Variants in MEP1A observed in about 807,000 individuals in gnomAD.
MEP1A encodes the protein meprin A subunit alpha, also known as N-benzoyl-L-tyrosyl-P-amino-benzoic acid hydrolase subunit alpha.
A neutral mutation model predicts 84.5 loss-of-function variants in MEP1A; 68 were observed. The ratio of observed to expected loss-of-function variants is 0.80; its 90% CI spans 0.66 to 0.98. MEP1A has a LOEUF of 0.98. MEP1A is among the 50% of genes least tolerant of loss of function. The pLI, the probability that MEP1A is intolerant of heterozygous loss-of-function variation, is 0.00. For synonymous variants in MEP1A, 337 were observed against 336.8 expected (o/e 1.00, Z -0.01); for missense variants, 887 against 919.9 (o/e 0.96, Z 0.46).
intron 6 of MEP1A, among the ~76,000 whole-genome samples, chr6:46,818,725 T>A (rs534168338): frequency 1.7e-3 from 263 of 152,326 alleles, no homozygotes; most frequent in African/African-American, 5.9e-3. Context: ...ACACTGTAGA[T>A]CTGCTATTTC....
In MEP1A at chr6:46,833,424, T is replaced by A. The variant is rs1223776533; in HGVS notation, c.1495T>A (p.Trp499Arg). Residue 499 changes from tryptophan (W) to arginine (R), a missense_variant, in exon 11 of 14, where the codon TGG (tryptophan) becomes AGG (arginine). Coordinates refer to ENST00000230588, the MANE Select transcript of MEP1A (RefSeq NM_005588.3). The stretch of plus-strand genomic sequence containing the variant: ...TGGGGAGAACGATGCTATCCTGGAG[T>A]GGCCGGTAGAAAACAGACAGGTGAT... ...CSGENDAILE[W>R]PVENRQVIIT... 6.2e-7 allele frequency: 1 copy of A among 1,614,084 alleles called. No individual in the cohort carries two copies. Among genetic ancestry groups the A allele is most frequent in the Non-Finnish European group, 8.5e-7 (1 of 1,180,012 alleles).
At chr6:46,803,792 A>G (rs1767250072) in intron 5 of MEP1A, among the ~76,000 whole-genome samples, 1 of 151,642 alleles carries the variant, frequency 6.6e-6, no homozygotes, top group Non-Finnish European at 1.5e-5. Context: ...GATATGGTGT[A>G]TGCTTATTAA....
chr6:46,824,511 CTATT>C (rs1489492244), intron 7 of MEP1A, among the ~76,000 whole-genome samples: 2 of 139,660 alleles, frequency 1.4e-5, no homozygotes, highest in African/African-American at 2.6e-5. Flanking sequence ...TTAAATAAAT[CTATT>C]TAAATATATA....
At chr6:46,793,924 C>T (rs9472863) in intron 3 of MEP1A, among the ~76,000 whole-genome samples, 6,380 of 152,116 alleles carry the variant, frequency 0.042, 473 homozygotes, top group African/African-American at 0.15. Context: ...GCTAGGAAGT[C>T]CTCAATGGAT....
intron 8 of MEP1A, among the ~76,000 whole-genome samples, chr6:46,825,816 A>C (rs1192719133): frequency 6.6e-6 from 1 of 152,180 alleles, no homozygotes. Context: ...AAACGTAAGG[A>C]GATGTTATTG....
chr6:46,825,322 A>T lies in MEP1A; in HGVS notation c.607A>T (p.Asn203Tyr). ...TGATGATAGCTTAATCACAGACCTC[A>T]ATACACCCTATGATTATGAGTCTTT... The part of the protein sequence containing the change: ...TYDDSLITDL[N>Y]TPYDYESLMH... Residue 203 changes from asparagine to tyrosine, a missense_variant, in exon 8 of 14, where the codon AAT (asparagine) becomes TAT (tyrosine). Transcript: ENST00000230588. The T allele has an allele frequency of 6.2e-7, 1 of 1,613,750 alleles. No individual in the cohort carries two copies. Among genetic ancestry groups the T allele is most frequent in the Non-Finnish European group, 8.5e-7 (1 of 1,179,816 alleles).
At chr6:46,845,954 T>C in the MEP1A span, among the ~76,000 whole-genome samples, 7 of 152,226 alleles carry the variant, frequency 4.6e-5, no homozygotes, top group African/African-American at 1.7e-4. Flanking sequence ...TGAAATTAGT[T>C]TGAAAATTAA....
At position 46,793,487 on chromosome 6, in the gene MEP1A, T is replaced by G. The variant is rs746595880; in HGVS notation, c.69+20T>G. On this transcript the variant is annotated intron_variant, in intron 1 of 13. Coordinates refer to ENST00000230588, the MANE Select transcript of MEP1A (RefSeq NM_005588.3). ...GTACCGGTAAGTCGAGTCCTGCTTT[T>G]TGGATATTTAGAAATATTAATTCTA... The G allele has an allele frequency of 6.2e-7, 1 of 1,607,252 alleles. No homozygotes were observed. The highest frequency in any genetic ancestry group is 1.1e-5 in the South Asian group (1 of 89,968).
chr6:46,828,258 A>T (rs1171984392), intron 9 of MEP1A, among the ~76,000 whole-genome samples: 1 of 147,738 alleles, frequency 6.8e-6, no homozygotes, highest in Non-Finnish European at 1.5e-5. Flanking sequence ...TTTCTAACCC[A>T]GGCATTCAAT....
Position 46,815,285 on chromosome 6 carries a change from GT to G in MEP1A, c.381-4243del, listed in dbSNP as rs1474335874. On this transcript the variant is annotated intron_variant, in intron 6 of 13. Coordinates refer to ENST00000230588, the MANE Select transcript of MEP1A (RefSeq NM_005588.3). ...GCTGTGGCTGTTGTGGGGAATGGGG[GT>G]GTGGTTTCCAGTCCAGTGGAGTTAT... 8.5e-5 allele frequency among the ~76,000 whole-genome samples: 13 copies of G among 152,286 alleles called. No individual in the cohort carries two copies. The South Asian group carries it at 2.7e-3, about 32-fold the overall frequency.
At chr6:46,805,378 A>G (rs911844590) in intron 5 of MEP1A, among the ~76,000 whole-genome samples, 1 of 151,876 alleles carries the variant, frequency 6.6e-6, no homozygotes, top group African/African-American at 2.4e-5. Context: ...TTATTAATTT[A>G]TTGATTTATA....
At chr6:46,845,623 G>T in the MEP1A span, among the ~76,000 whole-genome samples, 7 of 152,186 alleles carry the variant, frequency 4.6e-5, no homozygotes, top group African/African-American at 1.7e-4. Flanking sequence ...AAAAGGGTTG[G>T]TCTTCTTTTT....
chr6:46,799,120 C>T lies in MEP1A; in HGVS notation c.201C>T (p.Gly67=). Residue 67 remains glycine (G), a synonymous_variant, in exon 5 of 14, where the codon GGC becomes GGT. Coordinates refer to ENST00000230588, the MANE Select transcript of MEP1A (RefSeq NM_005588.3). The part of the protein sequence containing the change: ...GDILLQKSRN[G]LRDPNTRWTF... The stretch of plus-strand genomic sequence containing the variant: ...TGTTTTCACAGAAATCCAGAAATGG[C>T]CTGAGAGACCCAAACACCAGGTGGA... 3.1e-6 allele frequency: 5 copies of T among 1,612,320 alleles called. No homozygotes were observed. Among genetic ancestry groups the T allele is most frequent in the Non-Finnish European group, 4.2e-6 (5 of 1,178,366 alleles).
chr6:46,806,110 T>C (rs1767311584), intron 5 of MEP1A, among the ~76,000 whole-genome samples: 6 of 152,040 alleles, frequency 3.9e-5, no homozygotes, highest in Admixed American at 3.9e-4. Context: ...TTCATCTTTA[T>C]TCCATTAAAT....
At chr6:46,828,675 T>G (rs1251407881) in intron 9 of MEP1A, among the ~76,000 whole-genome samples, 2 of 152,188 alleles carry the variant, frequency 1.3e-5, no homozygotes, top group Admixed American at 6.5e-5. Flanking sequence ...CTTGACTGTT[T>G]TTAGGGGAAA....
At position 46,834,612 on chromosome 6, in the gene MEP1A, C is replaced by T. The variant is rs1467924972; in HGVS notation, c.1644C>T (p.Ser548=). 1.9e-6 allele frequency: 3 copies of T among 1,610,464 alleles called. No individual in the cohort carries two copies. Among genetic ancestry groups the T allele is most frequent in the Admixed American group, 1.7e-5 (1 of 59,810 alleles). The change falls in exon 12 of 14, where the codon TCC becomes TCT. Residue 548 remains serine (S), a synonymous_variant. Transcript: ENST00000230588. ...INDTVIWDRP[S]RVGTYHTDCN... ...ACACTGTCATCTGGGACAGGCCGTC[C>T]AGGGTGGGAACCTATCATACGGACT...
At chr6:46,806,929 A>G (rs1351250667) in intron 5 of MEP1A, among the ~76,000 whole-genome samples, 6 of 152,020 alleles carry the variant, frequency 3.9e-5, no homozygotes, top group Non-Finnish European at 8.8e-5. Context: ...TTCTTTTAAG[A>G]AAAAGTCCTC....
Position 46,807,477 on chromosome 6 carries a change from G to A in MEP1A, c.263-1943G>A, listed in dbSNP as rs1767352784. 3.4e-5 allele frequency among the ~76,000 whole-genome samples: 5 copies of A among 146,370 alleles called. No homozygotes were observed. The East Asian group carries it at 1.0e-3, about 30-fold the overall frequency. On this transcript the variant is annotated intron_variant, in intron 5 of 13. Transcript: ENST00000230588. The stretch of plus-strand genomic sequence containing the variant: ...TCACTTGAGCCTAGGAGTTCAAGTC[G>A]AGCCTGAGCAACAAAGTGAGACCCC...
intron 6 of MEP1A, among the ~76,000 whole-genome samples, chr6:46,819,233 T>C (rs1767709914): frequency 6.6e-6 from 1 of 152,232 alleles, no homozygotes; most frequent in African/African-American, 2.4e-5. Flanking sequence ...GGAATGCCAA[T>C]GTTTATTGCT....
Sources: gnomAD v4.1 joint callset for allele counts (sites outside exome capture counted in the v4.1 genomes callset) on GRCh38, gnomAD v4.1.1 for gene constraint, MANE v1.5 for transcripts, NCBI Gene and HGNC (gene_info 2026-07-23, HGNC 2026-07-21) for gene names.